IGF2BP2: variants seen among roughly 807,000 people sequenced by gnomAD.
IGF2BP2 encodes the protein insulin like growth factor 2 mRNA binding protein 2, also known as insulin-like growth factor 2 mRNA-binding protein 2.
Under a neutral mutation model 75.8 loss-of-function variants are expected in IGF2BP2, and 17 were observed. The ratio of observed to expected loss-of-function variants is 0.22; its 90% CI spans 0.15 to 0.34. The LOEUF (loss-of-function observed/expected upper bound fraction) is 0.34. Among genes scored for constraint, IGF2BP2 ranks in the 10% least tolerant of loss-of-function variants. The pLI, the probability that IGF2BP2 is intolerant of heterozygous loss-of-function variation, is 1.00. For missense variants in IGF2BP2, 516 were observed against 772.4 expected, an observed-to-expected ratio of 0.67 and a Z score of 3.93; for synonymous variants, 288 against 295.6, an observed-to-expected ratio of 0.97 and a Z score of 0.26.
chr3:185,675,383 C>CT lies in IGF2BP2; in HGVS notation c.983dup (p.Thr330HisfsTer3). The CT allele has an allele frequency of 6.2e-7, 1 of 1,612,386 alleles. No individual in the cohort carries two copies. On this transcript the variant is annotated frameshift_variant, in exon 9 of 16. Transcript: ENST00000382199. The stretch of plus-strand genomic sequence containing the variant: ...CACTGGCACAGGCCTCAACTGTGCC[C>CT]TTCACAGTGATGGTTCTTTCCGGGT...
intron 2 of IGF2BP2, among the ~76,000 whole-genome samples, chr3:185,806,472 A>G (rs1169652188): frequency 1.3e-5 from 2 of 152,224 alleles, no homozygotes; most frequent in Admixed American, 6.5e-5. Context: ...AACAACCAAA[A>G]TAACTTTTCA....
At chr3:185,792,765 C>CAAA (rs57107858) in intron 2 of IGF2BP2, among the ~76,000 whole-genome samples, 1 of 93,696 alleles carries the variant, frequency 1.1e-5, no homozygotes, top group Admixed American at 1.1e-4. Flanking sequence ...GACTCCGTCT[C>CAAA]AAAAAAAAAA....
At chr3:185,710,152 A>ATTTTTTTT (rs567527407) in intron 2 of IGF2BP2, among the ~76,000 whole-genome samples, 3 of 117,548 alleles carry the variant, frequency 2.6e-5, no homozygotes, top group Non-Finnish European at 3.5e-5. Context: ...GTAGTTTTAG[A>ATTTTTTTT]TTTTTTTTTT....
chr3:185,753,657 C>T (rs1392949756), intron 2 of IGF2BP2, among the ~76,000 whole-genome samples: 1 of 152,194 alleles, frequency 6.6e-6, no homozygotes, highest in African/African-American at 2.4e-5. Flanking sequence ...CCACCTCCCC[C>T]TTCTGATTTC....
chr3:185,823,338 C>G, intron 1 of IGF2BP2, 125 bp from the exon 2 acceptor site: 2 of 584,128 alleles, frequency 3.4e-6, no homozygotes, highest in Non-Finnish European at 5.8e-6. Flanking sequence ...GGTCTCCTAC[C>G]CGGATCGAGC....
At chr3:185,821,072 C>A (rs1461739614) in intron 2 of IGF2BP2, 23 of 1,535,252 alleles carry the variant, frequency 1.5e-5, no homozygotes, top group Non-Finnish European at 1.9e-5. Context: ...ACAGCTGCTT[C>A]ATCCCTGAAG....
At chr3:185,668,125 T>G (rs921101577) in intron 10 of IGF2BP2, among the ~76,000 whole-genome samples, 1 of 152,206 alleles carries the variant, frequency 6.6e-6, no homozygotes, top group Non-Finnish European at 1.5e-5. Context: ...GATATTCATT[T>G]TGACATTGTC....
intron 2 of IGF2BP2, among the ~76,000 whole-genome samples, chr3:185,698,631 A>G (rs1722899331): frequency 6.6e-6 from 1 of 151,650 alleles, no homozygotes; most frequent in African/African-American, 2.4e-5. Context: ...CAGCCTCCCA[A>G]ATAGCTGGGA....
rs1218001917 is a variant in IGF2BP2, at chr3:185,644,410, T to C, written c.*1121A>G. On this transcript the variant is annotated 3_prime_UTR_variant, in exon 16 of 16. Coordinates refer to ENST00000382199, the MANE Select transcript of IGF2BP2 (RefSeq NM_006548.6). ...CAAAATACATTCTTTCATTGTGGAA[T>C]TTTTTCTTTGTTTGGTTGATTGGTT... 1 of 152,552 alleles carries C rather than the reference T, an allele frequency of 6.6e-6. No homozygotes were observed. The highest frequency in any genetic ancestry group is 1.5e-5 in the Non-Finnish European group (1 of 68,028). The allele number at this position is 152,552 out of a possible 1,614,324, so 9.4% of individuals were successfully genotyped here.
In IGF2BP2 at chr3:185,647,218, A is replaced by G. The variant is rs1422709842; in HGVS notation, c.1594-80T>C. On this transcript the variant is annotated intron_variant, in intron 14 of 15. Transcript: ENST00000382199. This position sits in a 1 kb window ranked among gnomAD's most constrained non-coding sequence, Gnocchi z 4.9. Reference sequence around the variant, plus strand: ...TGGGCTCAGGACGGAGTGAGGGGCCAAGAGGTGGAGCAGGGGAAGGAGGGG... The same window carrying G: ...TGGGCTCAGGACGGAGTGAGGGGCCGAGAGGTGGAGCAGGGGAAGGAGGGG... 2.0e-6 allele frequency: 2 copies of G among 992,806 alleles called. No homozygotes were observed. Among genetic ancestry groups the G allele is most frequent in the Non-Finnish European group, 3.2e-6 (2 of 615,840 alleles). The allele number at this position is 992,806 out of a possible 1,614,324, so 61.5% of individuals were successfully genotyped here. A position where few individuals can be genotyped will look rare whatever the true frequency, so the allele number is the denominator to read the frequency against.
chr3:185,699,066 C>T (rs538504318), intron 2 of IGF2BP2, among the ~76,000 whole-genome samples: 124 of 152,282 alleles, frequency 8.1e-4, no homozygotes, highest in Middle Eastern at 3.4e-3. Context: ...CCGCCTGCCT[C>T]GGCCTCCCAA....
At chr3:185,741,567 C>T (rs775174557) in intron 2 of IGF2BP2, among the ~76,000 whole-genome samples, 4 of 152,138 alleles carry the variant, frequency 2.6e-5, no homozygotes, top group East Asian at 3.9e-4. Flanking sequence ...ACCTGGAATT[C>T]GCTCTGAACA....
intron 2 of IGF2BP2, among the ~76,000 whole-genome samples, chr3:185,763,893 G>A (rs544181778): frequency 1.3e-5 from 2 of 152,260 alleles, no homozygotes; most frequent in East Asian, 3.9e-4. Flanking sequence ...AAGTTGACGG[G>A]TGGAGAAGGG....
intron 2 of IGF2BP2, among the ~76,000 whole-genome samples, chr3:185,795,207 T>C (rs1285083296): frequency 6.6e-6 from 1 of 152,232 alleles, no homozygotes; most frequent in Non-Finnish European, 1.5e-5. Flanking sequence ...TCCAGTTATC[T>C]TCTATAAGTG....
rs1321639580 is a variant in IGF2BP2 at position 185,693,482 on chromosome 3, TTGAC to T, written c.341-724_341-721del. ...TTTTGTTTCCCTTTGACTGAACTCT[TTGAC>T]TGTGTGGGTTAAATCTAATAAATAA... On this transcript the variant is annotated intron_variant, in intron 4 of 15. Transcript: ENST00000382199. Among the ~76,000 whole-genome samples the T allele has an allele frequency of 4.6e-5, 7 of 152,348 alleles. No individual in the cohort carries two copies. In the East Asian group the frequency reaches 1.3e-3, roughly 29 times the overall value.
At chr3:185,824,754 G>T in intron 1 of IGF2BP2, 29 bp downstream of exon 1, 7 of 1,286,428 alleles carry the variant, frequency 5.4e-6, no homozygotes, top group Non-Finnish European at 7.0e-6. Context: ...GGGGCGAGGC[G>T]GGGGGAGGGG....
chr3:185,709,243 T>A (rs1202232015), intron 2 of IGF2BP2, among the ~76,000 whole-genome samples: 1 of 152,260 alleles, frequency 6.6e-6, no homozygotes, highest in Non-Finnish European at 1.5e-5. Flanking sequence ...AACTGTGCCA[T>A]CCTTTCAGCA....
chr3:185,712,112 T>A (rs1310853750), intron 2 of IGF2BP2, among the ~76,000 whole-genome samples: 1 of 152,168 alleles, frequency 6.6e-6, no homozygotes, highest in Admixed American at 6.5e-5. Flanking sequence ...GAGTCACCTG[T>A]AGATTCAGCT....
chr3:185,704,917 C>T (rs1211991476), intron 2 of IGF2BP2, among the ~76,000 whole-genome samples: 1 of 152,130 alleles, frequency 6.6e-6, no homozygotes, highest in Admixed American at 6.5e-5. Context: ...AAAATAAATG[C>T]ATTAGGAAAC....
Sources: allele counts gnomAD v4.1 joint callset (sites outside exome capture counted in the v4.1 genomes callset), GRCh38; gene constraint gnomAD v4.1.1; non-coding constraint Gnocchi (gnomAD v3.1); transcripts MANE v1.5; gene names NCBI Gene and HGNC (gene_info 2026-07-23, HGNC 2026-07-21).